Variants in DAAM1 observed in about 807,000 individuals in gnomAD.
The protein encoded by DAAM1 is disheveled-associated activator of morphogenesis 1.
In DAAM1, 52 loss-of-function variants were observed where a neutral mutation model predicts 130.0. That is an observed-to-expected ratio of 0.40 (90% CI 0.32 to 0.50). The LOEUF (loss-of-function observed/expected upper bound fraction) is 0.50. DAAM1 is among the 20% of genes least tolerant of loss of function. DAAM1 has a pLI of 0.61. For missense variants in DAAM1, 1,134 were observed against 1,303.8 expected, an observed-to-expected ratio of 0.87 and a Z score of 2.01; for synonymous variants, 452 against 444.5, an observed-to-expected ratio of 1.02 and a Z score of -0.21.
chr14:59,340,142 T>C lies in DAAM1; in HGVS notation c.2037T>C (p.Asp679=), dbSNP rs1366796835. 6.8e-6 allele frequency: 11 copies of C among 1,613,540 alleles called. No individual in the cohort carries two copies. The highest frequency in any genetic ancestry group is 9.3e-6 in the Non-Finnish European group (11 of 1,179,694). The part of the protein sequence containing the change: ...KLKVKELSVI[D]GRRAQNCNIL... Reference sequence around the variant, plus strand: ...AAGTTAAAGAGCTTTCGGTGATTGATGGTCGGAGAGCTCAGAATTGCAACA... The same window carrying C: ...AAGTTAAAGAGCTTTCGGTGATTGACGGTCGGAGAGCTCAGAATTGCAACA... Residue 679 remains aspartate, a synonymous_variant, in exon 16 of 25, where the codon GAT becomes GAC. Transcript: ENST00000360909.
intron 1 of DAAM1, among the ~76,000 whole-genome samples, chr14:59,198,966 C>T (rs771744808): frequency 1.3e-5 from 2 of 152,246 alleles, no homozygotes; most frequent in Non-Finnish European, 2.9e-5. Flanking sequence ...ACAGTATCCT[C>T]TTAAAATAAT....
Position 59,250,065 on chromosome 14 carries a change from A to G in DAAM1, c.-37-13376A>G, listed in dbSNP as rs568530753. Among the ~76,000 whole-genome samples, 256 of 152,352 alleles carry G rather than the reference A, an allele frequency of 1.7e-3. 2 individuals carry two copies. The highest frequency in any genetic ancestry group is 5.6e-3 in the South Asian group (27 of 4,828). On this transcript the variant is annotated intron_variant, in intron 1 of 24. Coordinates refer to ENST00000360909, the MANE Select transcript of DAAM1 (RefSeq NM_001270520.2). Reference sequence around the variant, plus strand: ...ATACCCCTATGATTTCTGATCCACAATAGAACTATAATTGAAACAAAGTCC... The same window carrying G: ...ATACCCCTATGATTTCTGATCCACAGTAGAACTATAATTGAAACAAAGTCC...
chr14:59,211,537 T>G (rs189636128), intron 1 of DAAM1, among the ~76,000 whole-genome samples: 70 of 152,356 alleles, frequency 4.6e-4, no homozygotes, highest in African/African-American at 1.3e-3. Context: ...ACTCATTGTC[T>G]TCCTAGCTTG....
In DAAM1 at chr14:59,331,229, C is replaced by T. The variant is rs910539944; in HGVS notation, c.1581C>T (p.Ile527=). Residue 527 remains isoleucine, a synonymous_variant, in exon 14 of 25, where the codon ATC becomes ATT. Transcript: ENST00000360909. ...ELSRRAVCAS[I]PGGPSPGAPG... is the part of the protein sequence containing the mutation. The stretch of plus-strand genomic sequence containing the variant: ...TTCAGAGGGCCGTCTGTGCTTCAAT[C>T]CCAGGTGGACCCTCGCCTGGAGCAC... The T allele has an allele frequency of 3.1e-6, 5 of 1,612,940 alleles. No homozygotes were observed. Among genetic ancestry groups the T allele is most frequent in the African/African-American group, 1.3e-5 (1 of 74,986 alleles).
chr14:59,312,270 A>G (rs1031940921), intron 3 of DAAM1, among the ~76,000 whole-genome samples: 1 of 152,152 alleles, frequency 6.6e-6, no homozygotes, highest in Non-Finnish European at 1.5e-5. Context: ...GAACAGTATC[A>G]TTATTGTCAG....
chr14:59,206,746 A>G (rs555334616), intron 1 of DAAM1, among the ~76,000 whole-genome samples: 1 of 152,326 alleles, frequency 6.6e-6, no homozygotes, highest in South Asian at 2.1e-4. Context: ...AATCAAGTCT[A>G]CTTTTCTGAA....
At chr14:59,290,079 A>G (rs1883673505) in intron 2 of DAAM1, among the ~76,000 whole-genome samples, 1 of 152,094 alleles carries the variant, frequency 6.6e-6, no homozygotes, top group Non-Finnish European at 1.5e-5. Context: ...CCTCAGTGAC[A>G]TGCGAGTTAC....
At chr14:59,359,545 G>A in intron 21 of DAAM1, 41 bp downstream of exon 21, 1 of 1,509,020 alleles carries the variant, frequency 6.6e-7, no homozygotes, top group Non-Finnish European at 9.2e-7. Context: ...AAATCACTTG[G>A]ATTGTGTGTT....
rs935740948 is a variant in DAAM1 at position 59,369,332 on chromosome 14, G to A, written c.*473G>A. 1 of 153,004 alleles carries A rather than the reference G, an allele frequency of 6.5e-6. No individual in the cohort carries two copies. The highest frequency in any genetic ancestry group is 2.4e-5 in the African/African-American group (1 of 41,408). 9.5% of individuals were successfully genotyped at this position (153,004 alleles called of 1,614,324 possible). ...TTTCATTGATGGAACTGGAGTTGTT[G>A]GAAAAACATAGATTTAAAATGATTT... On this transcript the variant is annotated 3_prime_UTR_variant, in exon 25 of 25. Transcript: ENST00000360909.
chr14:59,228,130 GA>G (rs920296157), intron 1 of DAAM1, among the ~76,000 whole-genome samples: 4 of 151,484 alleles, frequency 2.6e-5, no homozygotes, highest in African/African-American at 9.7e-5. Flanking sequence ...CTTAAGGGAA[GA>G]AAAAAAATCA....
intron 2 of DAAM1, among the ~76,000 whole-genome samples, chr14:59,267,903 T>G (rs75893965): frequency 0.012 from 35 of 3,020 alleles, no homozygotes; most frequent in Non-Finnish European, 0.026. Context: ...CGCCCCCCCC[T>G]TTTTTTTTTT....
At chr14:59,255,149 A>G (rs1881820242) in intron 1 of DAAM1, among the ~76,000 whole-genome samples, 1 of 152,180 alleles carries the variant, frequency 6.6e-6, no homozygotes, top group Admixed American at 6.5e-5. Flanking sequence ...CTCTTGCCTC[A>G]GAAAAGTTAC....
chr14:59,245,147 A>C (rs1433695939), intron 1 of DAAM1, among the ~76,000 whole-genome samples: 1 of 152,196 alleles, frequency 6.6e-6, no homozygotes, highest in Non-Finnish European at 1.5e-5. Context: ...ACGTGGATCA[A>C]ATGCATCCTT....
chr14:59,262,103 A>AT (rs953263515), intron 1 of DAAM1, among the ~76,000 whole-genome samples: 16 of 151,116 alleles, frequency 1.1e-4, no homozygotes, highest in African/African-American at 3.7e-4. Flanking sequence ...TTGAAGACTT[A>AT]TAACAGTTAC....
At chr14:59,322,204 G>T (rs922317555) in intron 5 of DAAM1, among the ~76,000 whole-genome samples, 2 of 152,136 alleles carry the variant, frequency 1.3e-5, no homozygotes, top group Non-Finnish European at 2.9e-5. Context: ...GCACTTAAAA[G>T]TGCGTCAGCA....
At chr14:59,297,665 A>C (rs1884004803) in intron 3 of DAAM1, among the ~76,000 whole-genome samples, 1 of 152,196 alleles carries the variant, frequency 6.6e-6, no homozygotes. Context: ...TCCAAAAATA[A>C]GTGACTACAG....
chr14:59,357,754 G>A (rs1197412514), intron 20 of DAAM1, among the ~76,000 whole-genome samples: 3 of 151,960 alleles, frequency 2.0e-5, no homozygotes, highest in African/African-American at 7.3e-5. Flanking sequence ...CTCCAGCCTG[G>A]GTGACAGAGC....
intron 1 of DAAM1, among the ~76,000 whole-genome samples, chr14:59,196,851 ATTC>A (rs1463635370): frequency 6.6e-6 from 1 of 152,280 alleles, no homozygotes; most frequent in Non-Finnish European, 1.5e-5. Flanking sequence ...TGCATTCTCT[ATTC>A]TTGAAAGTTG....
chr14:59,312,467 A>G (rs1326340594), intron 3 of DAAM1, among the ~76,000 whole-genome samples: 2 of 152,252 alleles, frequency 1.3e-5, no homozygotes, highest in Non-Finnish European at 2.9e-5. Context: ...CTAAGGATTC[A>G]AATGCTGTTG....
Sources: allele counts gnomAD v4.1 joint callset (sites outside exome capture counted in the v4.1 genomes callset), GRCh38; gene constraint gnomAD v4.1.1; transcripts MANE v1.5; gene names NCBI Gene and HGNC (gene_info 2026-07-23, HGNC 2026-07-21).